Variants in INPP4B observed in about 807,000 individuals in gnomAD.
INPP4B encodes inositol polyphosphate-4-phosphatase type II B.
In INPP4B, 55 loss-of-function variants were observed where a neutral mutation model predicts 122.5. The ratio of observed to expected loss-of-function variants is 0.45; its 90% CI spans 0.36 to 0.56. INPP4B has a LOEUF of 0.56. INPP4B is among the 20% of genes least tolerant of loss of function. The pLI, the probability that INPP4B is intolerant of heterozygous loss-of-function variation, is 0.00. For synonymous variants in INPP4B, 403 were observed against 388.7 expected, an observed-to-expected ratio of 1.04 and a Z score of -0.43; for missense variants, 1,000 against 1,097.7, an observed-to-expected ratio of 0.91 and a Z score of 1.26.
At chr4:142,575,473 T>C (rs560115403) in intron 2 of INPP4B, among the ~76,000 whole-genome samples, 1 of 152,050 alleles carries the variant, frequency 6.6e-6, no homozygotes, top group Non-Finnish European at 1.5e-5. Context: ...CCTTACTATC[T>C]GTCTCATATA....
intron 7 of INPP4B, among the ~76,000 whole-genome samples, chr4:142,343,599 A>C (rs1410327225): frequency 6.6e-6 from 1 of 152,106 alleles, no homozygotes; most frequent in Non-Finnish European, 1.5e-5. Context: ...TTCCATAATC[A>C]GAAATCCTAG....
chr4:142,746,241 G>C, intron 1 of INPP4B, among the ~76,000 whole-genome samples: 1 of 151,924 alleles, frequency 6.6e-6, no homozygotes, highest in East Asian at 1.9e-4. Flanking sequence ...AGACAAACAA[G>C]AGTGGAATCA....
intron 2 of INPP4B, among the ~76,000 whole-genome samples, chr4:142,473,037 A>C (rs1299444325): frequency 6.6e-6 from 1 of 152,224 alleles, no homozygotes; most frequent in Non-Finnish European, 1.5e-5. Context: ...AATAATAAAG[A>C]CAATTTAGAC....
In INPP4B at chr4:142,124,596, T is replaced by G. The variant is rs1320289694; in HGVS notation, c.1885A>C (p.Ser629Arg). 1 of 1,613,326 alleles carries G rather than the reference T, an allele frequency of 6.2e-7. No individual in the cohort carries two copies. The highest frequency in any genetic ancestry group is 8.5e-7 in the Non-Finnish European group (1 of 1,179,458). Residue 629 changes from serine (S) to arginine (R), a missense_variant, in exon 19 of 26, where the codon AGC becomes CGC. Physicochemically the swap from Ser to Arg is moderately radical, Grantham distance 110. Transcript: ENST00000262992. ...MLTLRRDIVF[S>R]QALAGLVCGF... ...TAACAACAGGCACCTACTGCTTGGCTGAAGACGATGTCTCTTCTTAGCGTC... is the reference window on the plus strand; with the variant it reads ...TAACAACAGGCACCTACTGCTTGGCGGAAGACGATGTCTCTTCTTAGCGTC...
intron 1 of INPP4B, among the ~76,000 whole-genome samples, chr4:142,770,750 C>T (rs1184181737): frequency 1.3e-5 from 2 of 152,024 alleles, no homozygotes; most frequent in Admixed American, 6.6e-5. Flanking sequence ...ATCTGTGCCG[C>T]ATTCTCTGAG....
intron 1 of INPP4B, among the ~76,000 whole-genome samples, chr4:142,829,178 G>A (rs1047609959): frequency 6.6e-6 from 1 of 150,992 alleles, no homozygotes; most frequent in Non-Finnish European, 1.5e-5. Flanking sequence ...GAAGAGAAAA[G>A]AAAATATCAT....
At chr4:142,399,573 T>C (rs1450732133) in intron 7 of INPP4B, among the ~76,000 whole-genome samples, 1 of 152,186 alleles carries the variant, frequency 6.6e-6, no homozygotes, top group Non-Finnish European at 1.5e-5. Flanking sequence ...CTAAACATTG[T>C]AAATGATGTC....
intron 2 of INPP4B, among the ~76,000 whole-genome samples, chr4:142,611,642 T>C (rs949247509): frequency 1.1e-3 from 137 of 128,890 alleles, no homozygotes; most frequent in African/African-American, 3.5e-3. Context: ...TTTTTCTTTT[T>C]TTTTTTTTTT....
intron 7 of INPP4B, among the ~76,000 whole-genome samples, chr4:142,395,599 T>C (rs916041650): frequency 2.0e-5 from 3 of 152,192 alleles, no homozygotes; most frequent in African/African-American, 4.8e-5. Context: ...TAAGAGATAT[T>C]AGCACTGCAA....
At chr4:142,149,650 T>C (rs1261527180) in intron 17 of INPP4B, among the ~76,000 whole-genome samples, 2 of 152,192 alleles carry the variant, frequency 1.3e-5, no homozygotes, top group Non-Finnish European at 2.9e-5. Flanking sequence ...TATCTGAGAC[T>C]TAAATATGAG....
At chr4:142,548,464 C>T (rs181370890) in intron 2 of INPP4B, among the ~76,000 whole-genome samples, 99 of 152,284 alleles carry the variant, frequency 6.5e-4, no homozygotes, top group Non-Finnish European at 1.3e-3. Context: ...CTAGCTAATT[C>T]GAGTGCTCTT....
chr4:142,177,708 C>G (rs1054874977), intron 15 of INPP4B, among the ~76,000 whole-genome samples: 1 of 151,950 alleles, frequency 6.6e-6, no homozygotes, highest in African/African-American at 2.4e-5. Context: ...CACCTACATC[C>G]CCATCCTCAC....
chr4:142,691,582 G>GA (rs1361722876), intron 2 of INPP4B, among the ~76,000 whole-genome samples: 1 of 152,114 alleles, frequency 6.6e-6, no homozygotes, highest in Non-Finnish European at 1.5e-5. Context: ...CCCAGATTTA[G>GA]AAAAAACACA....
chr4:142,540,466 T>A (rs1828811731), intron 2 of INPP4B, among the ~76,000 whole-genome samples: 2 of 152,180 alleles, frequency 1.3e-5, no homozygotes, highest in East Asian at 3.9e-4. Context: ...AGTTAAAATA[T>A]CTAGCAATCC....
At chr4:142,629,060 G>A (rs573217530) in intron 2 of INPP4B, among the ~76,000 whole-genome samples, 6 of 152,082 alleles carry the variant, frequency 3.9e-5, no homozygotes, top group Non-Finnish European at 7.4e-5. Context: ...ATGCTATTTT[G>A]ATGAGAGTAT....
chr4:142,409,163 G>A (rs971082962), intron 5 of INPP4B, among the ~76,000 whole-genome samples: 2 of 152,108 alleles, frequency 1.3e-5, no homozygotes, highest in Non-Finnish European at 2.9e-5. Context: ...TTCACTCTAC[G>A]AGAAGGAAAT....
chr4:142,146,657 A>G (rs1810921043), intron 17 of INPP4B, among the ~76,000 whole-genome samples: 1 of 152,188 alleles, frequency 6.6e-6, no homozygotes, highest in Non-Finnish European at 1.5e-5. Flanking sequence ...TTCTAACAGA[A>G]CAGCCCAGAA....
At chr4:142,209,929 C>A (rs1190436778) in intron 12 of INPP4B, among the ~76,000 whole-genome samples, 3 of 150,762 alleles carry the variant, frequency 2.0e-5, no homozygotes, top group African/African-American at 7.3e-5. Context: ...CCCTCTTTAT[C>A]AAAAAGAAGA....
chr4:142,666,168 GA>G (rs976097487), intron 2 of INPP4B, among the ~76,000 whole-genome samples: 2 of 152,074 alleles, frequency 1.3e-5, no homozygotes, highest in African/African-American at 4.8e-5. Context: ...TGTATAAATG[GA>G]AAAGTATAAA....
Sources: gnomAD v4.1 joint callset for allele counts (sites outside exome capture counted in the v4.1 genomes callset) on GRCh38, gnomAD v4.1.1 for gene constraint, MANE v1.5 for transcripts, NCBI Gene and HGNC (gene_info 2026-07-23, HGNC 2026-07-21) for gene names.